RAD51B: variants seen among roughly 807,000 people sequenced by gnomAD.
RAD51B encodes the protein RAD51 paralog B.
RAD51B carries 38 observed loss-of-function variants against 42.2 expected under a neutral mutation model. The observed-to-expected ratio is 0.90, with a 90% CI of 0.70 to 1.18. The LOEUF (loss-of-function observed/expected upper bound fraction) is 1.18, where lower values mean the gene tolerates loss of function less well. RAD51B is among the 50% of genes most tolerant of loss of function. The pLI is 0.00. For missense variants in RAD51B, 373 were observed against 400.7 expected (o/e 0.93, Z 0.59); for synonymous variants, 154 against 145.2 (o/e 1.06, Z -0.43).
intron 7 of RAD51B, among the ~76,000 whole-genome samples, chr14:67,950,567 T>C (rs959806973): frequency 6.6e-6 from 1 of 152,206 alleles, no homozygotes. Flanking sequence ...ACTGTTTTGC[T>C]TTGTTAGCAT....
intron 10 of RAD51B, among the ~76,000 whole-genome samples, chr14:68,472,396 G>A (rs944951990): frequency 2.0e-5 from 3 of 152,108 alleles, no homozygotes; most frequent in East Asian, 3.8e-4. Flanking sequence ...CCAGCTCTCC[G>A]GGAGCCCTCC....
chr14:68,669,051 T>C (rs1341344804), intron 11 of RAD51B, among the ~76,000 whole-genome samples: 1 of 152,224 alleles, frequency 6.6e-6, no homozygotes, highest in Non-Finnish European at 1.5e-5. Flanking sequence ...GAAAGAGTCT[T>C]ACCTGTTGAA....
chr14:68,045,403 G>A (rs949267886), intron 7 of RAD51B, among the ~76,000 whole-genome samples: 2 of 151,954 alleles, frequency 1.3e-5, no homozygotes, highest in African/African-American at 2.4e-5. Context: ...ACACAATAAG[G>A]GCTGAATAAA....
chr14:68,175,045 G>A (rs1362815729), intron 7 of RAD51B, among the ~76,000 whole-genome samples: 1 of 152,124 alleles, frequency 6.6e-6, no homozygotes, highest in African/African-American at 2.4e-5. Context: ...TGGGGAATCA[G>A]CATTTCCCAG....
At chr14:68,447,503 A>G (rs1451685560) in intron 9 of RAD51B, among the ~76,000 whole-genome samples, 9 of 151,148 alleles carry the variant, frequency 6.0e-5, no homozygotes, top group African/African-American at 2.2e-4. Flanking sequence ...AAAAAAAAGC[A>G]TGAAACTTAC....
In RAD51B at chr14:68,122,235, C is replaced by T. The variant is rs60173052; in HGVS notation, c.757-169649C>T. Among the ~76,000 whole-genome samples, 32 of 152,114 alleles carry T rather than the reference C, an allele frequency of 2.1e-4. No individual in the cohort carries two copies. The South Asian group carries it at 6.4e-3, about 31-fold the overall frequency. ...GCCATAAGATAACTAACTTTAAATA[C>T]TAAAAAACAAAGTTTATGCATAACA... On this transcript the variant is annotated intron_variant, in intron 7 of 10. Transcript: ENST00000471583.
chr14:68,267,385 A>G (rs1296205911), intron 7 of RAD51B, among the ~76,000 whole-genome samples: 2 of 152,214 alleles, frequency 1.3e-5, no homozygotes, highest in African/African-American at 4.8e-5. Flanking sequence ...CAAATCTAGA[A>G]ACTTACTTTA....
chr14:68,666,064 G>A (rs1893027851), intron 11 of RAD51B, among the ~76,000 whole-genome samples: 1 of 152,196 alleles, frequency 6.6e-6, no homozygotes, highest in South Asian at 2.1e-4. Flanking sequence ...GAGGTATAGA[G>A]CTGGAATTGC....
At chr14:68,259,094 G>A (rs2080820415) in intron 7 of RAD51B, among the ~76,000 whole-genome samples, 1 of 152,174 alleles carries the variant, frequency 6.6e-6, no homozygotes, top group African/African-American at 2.4e-5. Context: ...ACATATTTGT[G>A]AGACATGTCA....
chr14:68,371,451 G>A (rs985968483), intron 8 of RAD51B, among the ~76,000 whole-genome samples: 6 of 152,146 alleles, frequency 3.9e-5, no homozygotes, highest in East Asian at 1.9e-4. Context: ...GCGGGAGGCG[G>A]AGGTTGCAGT....
chr14:68,465,214 GA>G (rs371593080), intron 9 of RAD51B, among the ~76,000 whole-genome samples: 4 of 152,262 alleles, frequency 2.6e-5, no homozygotes, highest in African/African-American at 7.2e-5. Flanking sequence ...AAAGATCTGA[GA>G]TTTTTTTATA....
At chr14:68,111,982 G>C (rs2077467090) in intron 7 of RAD51B, among the ~76,000 whole-genome samples, 1 of 151,982 alleles carries the variant, frequency 6.6e-6, no homozygotes, top group Non-Finnish European at 1.5e-5. Context: ...CCTCCAAAAA[G>C]CTTTATTCTG....
intron 7 of RAD51B, among the ~76,000 whole-genome samples, chr14:68,010,663 A>C (rs1311597745): frequency 1.3e-5 from 2 of 151,824 alleles, no homozygotes; most frequent in Non-Finnish European, 3.0e-5. Flanking sequence ...CATTACTTTG[A>C]AAATGTATAC....
chr14:68,120,521 C>T (rs899664679), intron 7 of RAD51B, among the ~76,000 whole-genome samples: 2 of 152,194 alleles, frequency 1.3e-5, no homozygotes, highest in Non-Finnish European at 2.9e-5. Flanking sequence ...GCCCTCAATA[C>T]ATATTCATTG....
chr14:68,192,873 G>A (rs186093295), intron 7 of RAD51B, among the ~76,000 whole-genome samples: 10 of 152,262 alleles, frequency 6.6e-5, no homozygotes, highest in Middle Eastern at 3.4e-3. Context: ...GAATAATTAC[G>A]TAAATTGATT....
chr14:68,555,889 A>G (rs1376009547), intron 10 of RAD51B, among the ~76,000 whole-genome samples: 6 of 152,158 alleles, frequency 3.9e-5, no homozygotes, highest in Non-Finnish European at 7.3e-5. Flanking sequence ...CTTCCTTGAG[A>G]GCCAGTATGG....
intron 7 of RAD51B, among the ~76,000 whole-genome samples, chr14:68,025,835 T>G (rs757295463): frequency 6.6e-6 from 1 of 152,144 alleles, no homozygotes; most frequent in South Asian, 2.1e-4. Flanking sequence ...TATTGATCTT[T>G]CGTATGGATT....
At chr14:68,499,959 G>T (rs1313395165) in intron 10 of RAD51B, among the ~76,000 whole-genome samples, 1 of 152,198 alleles carries the variant, frequency 6.6e-6, no homozygotes, top group African/African-American at 2.4e-5. Context: ...CAGTCAGGTT[G>T]CCCAGAGAGA....
chr14:68,669,727 G>C (rs1225757663), intron 11 of RAD51B, among the ~76,000 whole-genome samples: 2 of 152,070 alleles, frequency 1.3e-5, no homozygotes, highest in African/African-American at 4.8e-5. Flanking sequence ...TTGTAACCAA[G>C]TGGGGCCCAG....
Sources: gnomAD v4.1 joint callset for allele counts (sites outside exome capture counted in the v4.1 genomes callset) on GRCh38, gnomAD v4.1.1 for gene constraint, MANE v1.5 for transcripts, NCBI Gene and HGNC (gene_info 2026-07-23, HGNC 2026-07-21) for gene names.